The following TRPM4 variants were observed in gnomAD, a reference collection of about 807,000 sequenced individuals.
TRPM4 encodes the protein transient receptor potential cation channel subfamily M member 4, also known as calcium-activated non-selective cation channel 1.
In TRPM4, 124 loss-of-function variants were observed where a neutral mutation model predicts 135.6. The observed-to-expected ratio is 0.91, with a 90% CI of 0.79 to 1.06. The LOEUF is 1.06. TRPM4 is among the 50% of genes least tolerant of loss of function. The pLI, the probability that TRPM4 is intolerant of heterozygous loss-of-function variation, is 0.00. For missense variants in TRPM4, 1,658 were observed against 1,671.4 expected (o/e 0.99, Z 0.14); for synonymous variants, 745 against 705.6 (o/e 1.06, Z -0.88).
chr19:49,165,901 C>G (rs1967152463), intron 2 of TRPM4, 140 bp from the exon 3 acceptor site: 1 of 862,078 alleles, frequency 1.2e-6, no homozygotes, highest in Non-Finnish European at 1.8e-6. Flanking sequence ...GAGCCAGGGC[C>G]AGGGGCAGCG....
At position 49,168,572 on chromosome 19, in the gene TRPM4, A is replaced by C; in HGVS notation, c.632A>C (p.Tyr211Ser). The C allele has an allele frequency of 6.2e-7, 1 of 1,613,808 alleles. No individual in the cohort carries two copies. The highest frequency in any genetic ancestry group is 8.5e-7 in the Non-Finnish European group (1 of 1,179,980). Residue 211 changes from tyrosine (Y) to serine (S), a missense_variant, in exon 6 of 25, where the codon TAC (tyrosine) becomes TCC (serine). By Grantham distance (144) the Tyr-to-Ser change is moderately radical (BLOSUM62 -2). Around this residue, in one of 3 missense-constraint regions of TRPM4, gnomAD observed 1,412 missense variants for 1,408.7 expected, o/e 1.00. Coordinates refer to ENST00000252826, the MANE Select transcript of TRPM4 (RefSeq NM_017636.4). Reference protein sequence around the residue: ...INPKGSFPARYRWRGDPEDGV... With the variant: ...INPKGSFPARSRWRGDPEDGV... ...CCCTAGGGCTCGTTCCCTGCGAGGT[A>C]CCGGTGGCGCGGTGACCCGGAGGAC... is the stretch of plus-strand genomic sequence containing the variant.
chr19:49,170,543 A>G (rs1034857464), intron 6 of TRPM4, among the ~76,000 whole-genome samples: 4 of 152,144 alleles, frequency 2.6e-5, no homozygotes, highest in Non-Finnish European at 4.4e-5. Context: ...TTATGGTGCA[A>G]TTGGATTTTG....
chr19:49,202,153 C>T lies in TRPM4; in HGVS notation c.3131+12C>T. On this transcript the variant is annotated intron_variant, in intron 20 of 24. Coordinates refer to ENST00000252826, the MANE Select transcript of TRPM4 (RefSeq NM_017636.4). ...ATTGCCATGTTCAGGTGAGGCCTGA[C>T]TGCTCTCTGATCTGACCCCACCCAG... The T allele has an allele frequency of 6.2e-7, 1 of 1,613,814 alleles. No homozygotes were observed. Among genetic ancestry groups the T allele is most frequent in the Non-Finnish European group, 8.5e-7 (1 of 1,179,894 alleles).
At chr19:49,160,907 G>C (rs1053824805) in intron 2 of TRPM4, among the ~76,000 whole-genome samples, 2 of 152,082 alleles carry the variant, frequency 1.3e-5, no homozygotes, top group South Asian at 4.2e-4. Flanking sequence ...CTTGGGGCTT[G>C]ATGAGGGTGA....
At chr19:49,200,093 G>C (rs368249084) in intron 17 of TRPM4, among the ~76,000 whole-genome samples, 4 of 152,128 alleles carry the variant, frequency 2.6e-5, no homozygotes, top group East Asian at 3.8e-4. Context: ...TTACTTAATA[G>C]GCGCAGCCAT....
rs1021789031 is a variant in TRPM4 at position 49,202,569 on chromosome 19, C to T, written c.3131+428C>T. Among the ~76,000 whole-genome samples, 5 of 152,176 alleles carry T rather than the reference C, an allele frequency of 3.3e-5. No homozygotes were observed. In the East Asian group the frequency reaches 5.8e-4, roughly 18 times the overall value. On this transcript the variant is annotated intron_variant, in intron 20 of 24. Transcript: ENST00000252826. ...CTCACTATGTTGTCCATGCTAGTCT[C>T]GAGCTCCTGGACTCAAGTGATCCTC...
intron 2 of TRPM4, among the ~76,000 whole-genome samples, chr19:49,164,364 G>GTTTTTTTTTTTTTTCTTTTTTTTTT (rs1967089196): frequency 6.2e-5 from 1 of 16,244 alleles, no homozygotes; most frequent in Non-Finnish European, 1.0e-4. Context: ...TCTTTCCTTA[G>GTTTTTTTTTTTTTTCTTTTTTTTTT]TTTTTTTTTT....
At chr19:49,164,414 T>C (rs1307075337) in intron 2 of TRPM4, among the ~76,000 whole-genome samples, 2 of 132,952 alleles carry the variant, frequency 1.5e-5, no homozygotes, top group East Asian at 5.2e-4. Context: ...GGAGTTTCGC[T>C]CTTGTCTCCC....
At position 49,161,421 on chromosome 19, in the gene TRPM4, C is replaced by G. The variant is rs1175080921; in HGVS notation, c.92+3162C>G. 2.7e-5 allele frequency among the ~76,000 whole-genome samples: 4 copies of G among 146,492 alleles called. No individual in the cohort carries two copies. In the East Asian group the frequency reaches 6.1e-4, roughly 22 times the overall value. Reference sequence around the variant, plus strand: ...CACTGCAGCCTTGACCTGCTGGGCTCAAGCGATCCTCCCACATGAGCCTCC... The same window carrying G: ...CACTGCAGCCTTGACCTGCTGGGCTGAAGCGATCCTCCCACATGAGCCTCC... On this transcript the variant is annotated intron_variant, in intron 2 of 24. Transcript: ENST00000252826.
chr19:49,180,835 A>G (rs547759774), intron 9 of TRPM4, among the ~76,000 whole-genome samples: 1 of 151,322 alleles, frequency 6.6e-6, no homozygotes, highest in East Asian at 2.0e-4. Context: ...ACATCCATCT[A>G]TCCATCCATC....
At chr19:49,167,571 C>T (rs1278313075) in intron 3 of TRPM4, 3 of 330,286 alleles carry the variant, frequency 9.1e-6, no homozygotes, top group Non-Finnish European at 1.7e-5. Flanking sequence ...CTCTGGGTCT[C>T]TGTCCCTCTC....
intron 16 of TRPM4, among the ~76,000 whole-genome samples, chr19:49,195,373 T>G (rs1032987632): frequency 1.3e-5 from 2 of 152,130 alleles, no homozygotes; most frequent in Admixed American, 6.6e-5. Flanking sequence ...TCTTCTTCTT[T>G]ATTTTTTTAT....
chr19:49,185,025 C>G (rs1968147554), intron 12 of TRPM4, among the ~76,000 whole-genome samples: 1 of 151,666 alleles, frequency 6.6e-6, no homozygotes, highest in Non-Finnish European at 1.5e-5. Context: ...GCCTCTATCT[C>G]TGTATTCTTA....
rs768279988 is a variant in TRPM4 at position 49,211,214 on chromosome 19, C to G, written c.3585C>G (p.Arg1195=). Reference sequence around the variant, plus strand: ...GGTGGGTGGCCGAGGCCCTGAGCCGCTCTGCCTTGCTGCCCCCAGGTGGGC... The same window carrying G: ...GGTGGGTGGCCGAGGCCCTGAGCCGGTCTGCCTTGCTGCCCCCAGGTGGGC... The part of the protein sequence containing the change: ...VLGWVAEALS[R]SALLPPGGPP... Residue 1195 remains arginine, a synonymous_variant, in exon 24 of 25, where the codon CGC becomes CGG. Coordinates refer to ENST00000252826, the MANE Select transcript of TRPM4 (RefSeq NM_017636.4). This position sits in a 1 kb window ranked among gnomAD's most constrained non-coding sequence, Gnocchi z 4.8. 6.3e-7 allele frequency: 1 copy of G among 1,598,940 alleles called. No individual in the cohort carries two copies. Among genetic ancestry groups the G allele is most frequent in the East Asian group, 2.3e-5 (1 of 44,282 alleles).
chr19:49,169,363 C>A (rs1241854128), intron 6 of TRPM4, among the ~76,000 whole-genome samples: 3 of 146,970 alleles, frequency 2.0e-5, no homozygotes, highest in Admixed American at 2.0e-4. Context: ...CCTCTGCCTC[C>A]TGGGTTCAAG....
intron 17 of TRPM4, 48 bp from the exon 18 acceptor site, chr19:49,200,252 T>C (rs1468438706): frequency 1.2e-6 from 2 of 1,613,992 alleles, no homozygotes; most frequent in African/African-American, 2.7e-5. Flanking sequence ...TCCATTTTCC[T>C]TGGCGTCTTG....
rs200360191 is a variant in TRPM4 at position 49,168,065 on chromosome 19, G to A, written c.416G>A (p.Arg139His). The change falls in exon 4 of 25, where the codon CGT (arginine) becomes CAT (histidine). Residue 139 changes from arginine (R) to histidine (H), a missense_variant. Transcript: ENST00000252826. Reference sequence around the variant, plus strand: ...CAGACCTGGCTGCAGGACCTGCTGCGTCGTGGGCTGGTGCGGGCTGCCCAG... The same window carrying A: ...CAGACCTGGCTGCAGGACCTGCTGCATCGTGGGCTGGTGCGGGCTGCCCAG... ...VLQTWLQDLL[R>H]RGLVRAAQST... 3.2e-5 allele frequency: 51 copies of A among 1,609,766 alleles called. 1 individual carries two copies. The highest frequency in any genetic ancestry group is 2.0e-4 in the African/African-American group (15 of 75,034).
chr19:49,194,190 C>T (rs1369107733), intron 16 of TRPM4, among the ~76,000 whole-genome samples: 1 of 151,450 alleles, frequency 6.6e-6, no homozygotes, highest in Non-Finnish European at 1.5e-5. Context: ...CCGCCTTCTC[C>T]TCATCCTCCT....
chr19:49,188,653 G>A lies in TRPM4; in HGVS notation c.1756G>A (p.Val586Ile). 1.2e-6 allele frequency: 2 copies of A among 1,614,168 alleles called. No individual in the cohort carries two copies. Among genetic ancestry groups the A allele is most frequent in the Non-Finnish European group, 1.7e-6 (2 of 1,180,034 alleles). ...TTTGTCTCTCCAGGGTTCCAATGCA[G>A]TTTCCTCAGCTCTTGGGGCCTGTTT... The part of the protein sequence containing the change: ...MYFWEMGSNA[V>I]SSALGACLLL... The change falls in exon 13 of 25, where the codon GTT becomes ATT. Residue 586 changes from valine to isoleucine, a missense_variant. Around this residue, in one of 3 missense-constraint regions of TRPM4, gnomAD observed 1,412 missense variants for 1,408.7 expected, o/e 1.00. Coordinates refer to ENST00000252826, the MANE Select transcript of TRPM4 (RefSeq NM_017636.4).
Sources: allele counts gnomAD v4.1 joint callset (sites outside exome capture counted in the v4.1 genomes callset), GRCh38; gene constraint gnomAD v4.1.1; regional missense constraint gnomAD v4.1.1; non-coding constraint Gnocchi (gnomAD v3.1); transcripts MANE v1.5; gene names NCBI Gene and HGNC (gene_info 2026-07-23, HGNC 2026-07-21).